HSD17B14: variants seen among roughly 807,000 people sequenced by gnomAD.
The protein encoded by HSD17B14 is L-fucose dehydrogenase.
Under a neutral mutation model 32.2 loss-of-function variants are expected in HSD17B14, and 32 were observed. The ratio of observed to expected loss-of-function variants is 0.99; its 90% CI spans 0.75 to 1.33. The LOEUF (loss-of-function observed/expected upper bound fraction) is 1.33. Among genes scored for constraint, HSD17B14 ranks in the 40% most tolerant of loss-of-function variants. HSD17B14 has a pLI of 0.00. For missense variants in HSD17B14, 370 were observed against 366.5 expected (o/e 1.01, Z -0.08); for synonymous variants, 140 against 155.4 (o/e 0.90, Z 0.74).
At chr19:48,830,014 G>A (rs1262151291) in intron 5 of HSD17B14, among the ~76,000 whole-genome samples, 5 of 151,714 alleles carry the variant, frequency 3.3e-5, no homozygotes, top group Non-Finnish European at 7.4e-5. Flanking sequence ...TGTCACCTAG[G>A]CTGGAGTGCA....
At position 48,831,689 on chromosome 19, in the gene HSD17B14, C is replaced by T. The variant is rs2035338136; in HGVS notation, c.348G>A (p.Leu116=). 1.2e-6 allele frequency: 2 copies of T among 1,613,754 alleles called. No homozygotes were observed. The highest frequency in any genetic ancestry group is 2.2e-5 in the South Asian group (2 of 91,068). ...GFRQLLELNL[L]GTYTLTKLAL... ...TCACCTTGGTCAAGGTGTACGTCCCCAGTAGGTTCAGCTCCAGCAGCTGGC... is the reference window on the plus strand; with the variant it reads ...TCACCTTGGTCAAGGTGTACGTCCCTAGTAGGTTCAGCTCCAGCAGCTGGC... The change falls in exon 5 of 9, where the codon CTG becomes CTA. Residue 116 remains leucine (L), a synonymous_variant. Transcript: ENST00000263278.
intron 2 of HSD17B14, 49 bp downstream of exon 2, chr19:48,835,756 G>T (rs1484415872): frequency 6.2e-7 from 1 of 1,600,486 alleles, no homozygotes; most frequent in Non-Finnish European, 8.6e-7. Context: ...TGGACCTCTG[G>T]GTCTGAGGGA....
chr19:48,833,124 G>A (rs1016464642), intron 3 of HSD17B14, among the ~76,000 whole-genome samples: 4 of 151,714 alleles, frequency 2.6e-5, no homozygotes, highest in Non-Finnish European at 5.9e-5. Flanking sequence ...TGCAAGGCAG[G>A]AGGGGGAAGC....
Position 48,831,544 on chromosome 19 carries a change from C to A in HSD17B14, c.369+124G>T, listed in dbSNP as rs985227528. On this transcript the variant is annotated intron_variant, in intron 5 of 8. Coordinates refer to ENST00000263278, the MANE Select transcript of HSD17B14 (RefSeq NM_016246.3). ...CTCCAGCCTGGGCGACAGAGAGAGACCCTGTCTCCAACAAACAAACAAATA... is the reference window on the plus strand; with the variant it reads ...CTCCAGCCTGGGCGACAGAGAGAGAACCTGTCTCCAACAAACAAACAAATA... 13 of 760,082 alleles carry A rather than the reference C, an allele frequency of 1.7e-5. No homozygotes were observed. In the Admixed American group the frequency reaches 2.0e-4, roughly 12 times the overall value. 47.1% of individuals were successfully genotyped at this position (760,082 alleles called of 1,614,324 possible). A position where few individuals can be genotyped will look rare whatever the true frequency, so the allele number is the denominator to read the frequency against.
intron 5 of HSD17B14, among the ~76,000 whole-genome samples, chr19:48,826,874 C>T (rs2035259634): frequency 6.6e-6 from 1 of 151,932 alleles, no homozygotes; most frequent in Non-Finnish European, 1.5e-5. Flanking sequence ...CTGGTATCTC[C>T]AGAGCCCCAC....
chr19:48,822,062 T>A (rs531028930), intron 5 of HSD17B14, among the ~76,000 whole-genome samples: 2 of 151,578 alleles, frequency 1.3e-5, no homozygotes, highest in South Asian at 4.2e-4. Context: ...ATGATGGTGA[T>A]GATTGTGGTA....
Position 48,820,247 on chromosome 19 carries a change from G to T in HSD17B14, c.370-5106C>A, listed in dbSNP as rs112290522. ...CCAGCATTTTGGGAGGCCAAGGCAGGTGGATCACCTAAGGTCAAGAGTTCG... is the reference window on the plus strand; with the variant it reads ...CCAGCATTTTGGGAGGCCAAGGCAGTTGGATCACCTAAGGTCAAGAGTTCG... On this transcript the variant is annotated intron_variant, in intron 5 of 8. Transcript: ENST00000263278. Among the ~76,000 whole-genome samples the T allele has an allele frequency of 3.9e-3, 597 of 152,142 alleles. 4 individuals carry two copies. Among genetic ancestry groups the T allele is most frequent in the African/African-American group, 0.014 (566 of 41,566 alleles).
chr19:48,821,580 C>T (rs997136863), intron 5 of HSD17B14, among the ~76,000 whole-genome samples: 2 of 151,988 alleles, frequency 1.3e-5, no homozygotes, highest in Non-Finnish European at 2.9e-5. Context: ...TAAAGAGCTT[C>T]CAAAGTCACG....
At position 48,834,370 on chromosome 19, in the gene HSD17B14, G is replaced by A. The variant is rs777944398; in HGVS notation, c.128-12C>T. The A allele has an allele frequency of 3.1e-6, 5 of 1,604,890 alleles. No individual in the cohort carries two copies. The highest frequency in any genetic ancestry group is 1.7e-4 in the Middle Eastern group (1 of 5,896). ...CCGGCCCCCAGACTCTGCAGGGAGAGAAGAGCTGGGAGCCTGGACCCCTGG... is the reference window on the plus strand; with the variant it reads ...CCGGCCCCCAGACTCTGCAGGGAGAAAAGAGCTGGGAGCCTGGACCCCTGG... On this transcript the variant is annotated splice_polypyrimidine_tract_variant and intron_variant, in intron 2 of 8. Coordinates refer to ENST00000263278, the MANE Select transcript of HSD17B14 (RefSeq NM_016246.3).
intron 6 of HSD17B14, 93 bp from the exon 7 acceptor site, chr19:48,813,823 TG>T: frequency 7.1e-7 from 1 of 1,403,602 alleles, no homozygotes; most frequent in Non-Finnish European, 1.0e-6. Context: ...GGCATCAGAA[TG>T]GGGAAGTCAT....
intron 5 of HSD17B14, among the ~76,000 whole-genome samples, chr19:48,817,430 C>T (rs1032081303): frequency 5.3e-5 from 8 of 152,094 alleles, no homozygotes; most frequent in Non-Finnish European, 1.2e-4. Context: ...CTGCCTGCTT[C>T]GGCCTCCCAA....
At chr19:48,814,540 GA>G in intron 6 of HSD17B14, among the ~76,000 whole-genome samples, 1 of 145,672 alleles carries the variant, frequency 6.9e-6, no homozygotes, top group Non-Finnish European at 1.5e-5. Flanking sequence ...AAGAAAGAAA[GA>G]AAAGAAAAAA....
At chr19:48,830,473 C>T (rs1413154478) in intron 5 of HSD17B14, among the ~76,000 whole-genome samples, 1 of 151,980 alleles carries the variant, frequency 6.6e-6, no homozygotes, top group Non-Finnish European at 1.5e-5. Context: ...AGACTCCCCC[C>T]TCCCCTTTCT....
At chr19:48,816,576 T>G (rs1339221147) in intron 5 of HSD17B14, among the ~76,000 whole-genome samples, 1 of 152,094 alleles carries the variant, frequency 6.6e-6, no homozygotes, top group Non-Finnish European at 1.5e-5. Context: ...ACGGGGACTT[T>G]CCTGGGTAAA....
chr19:48,826,442 C>T (rs1256874266), intron 5 of HSD17B14, among the ~76,000 whole-genome samples: 1 of 139,274 alleles, frequency 7.2e-6, no homozygotes, highest in Non-Finnish European at 1.5e-5. Context: ...TGTGGTGAGC[C>T]GAGATCCTGC....
chr19:48,827,791 G>T (rs1047083251), intron 5 of HSD17B14, among the ~76,000 whole-genome samples: 1 of 151,702 alleles, frequency 6.6e-6, no homozygotes, highest in Non-Finnish European at 1.5e-5. Context: ...ACCCGCCTTG[G>T]CATCCCAAAG....
intron 2 of HSD17B14, among the ~76,000 whole-genome samples, chr19:48,835,374 A>C (rs1325810848): frequency 3.4e-5 from 2 of 58,936 alleles, no homozygotes; most frequent in East Asian, 1.3e-3. Context: ...GGAGGGGCTG[A>C]GGTCTGGACT....
intron 5 of HSD17B14, among the ~76,000 whole-genome samples, chr19:48,826,599 G>T (rs529484302): frequency 7.2e-6 from 1 of 139,268 alleles, no homozygotes; most frequent in East Asian, 2.3e-4. Context: ...CATGGGCTGA[G>T]GTGTAGGTGT....
At chr19:48,823,343 G>A (rs781428006) in intron 5 of HSD17B14, among the ~76,000 whole-genome samples, 25 of 151,984 alleles carry the variant, frequency 1.6e-4, no homozygotes, top group Non-Finnish European at 3.1e-4. Flanking sequence ...CTAGGAAGTC[G>A]GGACTGCAGT....
Sources: allele counts gnomAD v4.1 joint callset (sites outside exome capture counted in the v4.1 genomes callset), GRCh38; gene constraint gnomAD v4.1.1; transcripts MANE v1.5; gene names NCBI Gene and HGNC (gene_info 2026-07-23, HGNC 2026-07-21).